The following BSX variants were observed in gnomAD, a reference collection of about 807,000 sequenced individuals.
The protein encoded by BSX is brain specific homeobox.
A neutral mutation model predicts 16.9 loss-of-function variants in BSX; 12 were observed. The observed-to-expected ratio is 0.71, with a 90% confidence interval of 0.46 to 1.15. BSX has a LOEUF of 1.15. BSX is among the 50% of genes most tolerant of loss of function. The pLI is 0.00. For synonymous variants in BSX, 160 were observed against 136.4 expected, an observed-to-expected ratio of 1.17 and a Z score of -1.20; for missense variants, 292 against 311.8, an observed-to-expected ratio of 0.94 and a Z score of 0.48.
rs1356101228 is a variant in BSX at position 122,981,636 on chromosome 11, C to A, written c.36G>T (p.Ala12=). 6.3e-7 allele frequency: 1 copy of A among 1,596,088 alleles called. No individual in the cohort carries two copies. The highest frequency in any genetic ancestry group is 1.7e-5 in the Admixed American group (1 of 57,198). The part of the protein sequence containing the change: ...NLNFTSPLHP[A]SSQRPTSFFI... ...AGAAGGATGTGGGCCTCTGAGAAGACGCCGGGTGTAGAGGAGAGGTGAAGT... is the reference window on the plus strand; with the variant it reads ...AGAAGGATGTGGGCCTCTGAGAAGAAGCCGGGTGTAGAGGAGAGGTGAAGT... The change falls in exon 1 of 3, where the codon GCG becomes GCT. Residue 12 remains alanine (A), a synonymous_variant. Transcript: ENST00000343035.
intron 2 of BSX, among the ~76,000 whole-genome samples, chr11:122,978,437 G>A (rs994973400): frequency 1.3e-5 from 2 of 152,162 alleles, no homozygotes; most frequent in African/African-American, 4.8e-5. Context: ...TCAGGACAGG[G>A]GAACAGGGAG....
At chr11:122,979,230 G>C (rs368177980) in intron 2 of BSX, 31 bp downstream of exon 2, 1 of 1,584,410 alleles carries the variant, frequency 6.3e-7, no homozygotes, top group African/African-American at 1.3e-5. Context: ...GAACGAAGCA[G>C]AGATCAGGGC....
chr11:122,979,127 C>T (rs1204908561), intron 2 of BSX, 134 bp downstream of exon 2: 9 of 918,718 alleles, frequency 9.8e-6, no homozygotes, highest in Non-Finnish European at 1.5e-5. Context: ...TTTACGAAAG[C>T]TCTTGGGAAA....
Position 122,977,705 on chromosome 11 carries a change from C to G in BSX, c.646G>C (p.Asp216His). 1 of 1,612,944 alleles carries G rather than the reference C, an allele frequency of 6.2e-7. No homozygotes were observed. Among genetic ancestry groups the G allele is most frequent in the East Asian group, 2.2e-5 (1 of 44,864 alleles). Residue 216 changes from aspartate to histidine, a missense_variant, in exon 3 of 3, where the codon GAC becomes CAC. Asp to His is a moderately conservative substitution (Grantham distance 81). Coordinates refer to ENST00000343035, the MANE Select transcript of BSX (RefSeq NM_001098169.2). The surrounding 1 kb of genome is among the most constrained non-coding windows in gnomAD (Gnocchi z 4.5). ...AGPFVLTEPE[D>H]EVDIGDEGEL... ...CCCTCGTCTCCAATGTCCACCTCGT[C>G]CTCTGGCTCGGTCAGCACGAAGGGA...
chr11:122,978,158 G>C (rs1257378216), intron 2 of BSX, among the ~76,000 whole-genome samples: 2 of 152,210 alleles, frequency 1.3e-5, no homozygotes, highest in Non-Finnish European at 1.5e-5. Flanking sequence ...AATAGTAGGT[G>C]CTGCGTGGGC....
In BSX at chr11:122,981,721, C is replaced by A. The variant is rs780458536; in HGVS notation, c.-50G>T. On this transcript the variant is annotated 5_prime_UTR_variant, in exon 1 of 3. Coordinates refer to ENST00000343035, the MANE Select transcript of BSX (RefSeq NM_001098169.2). ...ACAAGGGCCGGGACGAAGTGGAGGA[C>A]GCAGGCAGAGTCTCCAAGCCTGCTC... The A allele has an allele frequency of 1.9e-5, 29 of 1,521,440 alleles. 1 individual carries two copies. The South Asian group carries it at 3.6e-4, about 19-fold the overall frequency. 94.2% of individuals were successfully genotyped at this position (1,521,440 alleles called of 1,614,324 possible).
rs113538692 is a variant in BSX at position 122,978,805 on chromosome 11, T to C, written c.459+456A>G. Among the ~76,000 whole-genome samples, 148 of 77,716 alleles carry C rather than the reference T, an allele frequency of 1.9e-3. 1 individual carries two copies. The highest frequency in any genetic ancestry group is 7.1e-3 in the Middle Eastern group (1 of 140). 51.0% of individuals were successfully genotyped at this position (77,716 alleles called of 152,430 possible). The stretch of plus-strand genomic sequence containing the variant: ...TTTTCTTTTTCTTTTCTTTTTTTTT[T>C]TTTTTTTTTTTTTTTTTTGAGACGG... On this transcript the variant is annotated intron_variant, in intron 2 of 2. Coordinates refer to ENST00000343035, the MANE Select transcript of BSX (RefSeq NM_001098169.2).
rs1275457879 is a variant in BSX, at chr11:122,981,433, T to A, written c.239A>T (p.His80Leu). 6.4e-7 allele frequency: 1 copy of A among 1,550,764 alleles called. No individual in the cohort carries two copies. The highest frequency in any genetic ancestry group is 2.3e-5 in the East Asian group (1 of 42,822). ...ACCCGAGGTGGTGAGGAAATAAGGA[T>A]GATGGTGGTCTCCCTTATGCAGAGG... The part of the protein sequence containing the change: ...HHPLHKGDHH[H>L]PYFLTTSGMP... The change falls in exon 1 of 3, where the codon CAT (histidine) becomes CTT (leucine). Residue 80 changes from histidine to leucine, a missense_variant. Around this residue, in one of 3 missense-constraint regions of BSX, gnomAD observed 176 missense variants for 187.2 expected, o/e 0.94. Transcript: ENST00000343035.
chr11:122,978,948 G>A (rs1179839645), intron 2 of BSX, among the ~76,000 whole-genome samples: 2 of 151,732 alleles, frequency 1.3e-5, no homozygotes, highest in Admixed American at 6.6e-5. Context: ...TGGGATTACA[G>A]GCGCGCGCCA....
intron 2 of BSX, 115 bp downstream of exon 2, chr11:122,979,146 A>C: frequency 9.4e-7 from 1 of 1,059,946 alleles, no homozygotes. Context: ...AAGGCTTAGA[A>C]TAAGCGTCAG....
chr11:122,979,518 C>A, intron 1 of BSX, 61 bp from the exon 2 acceptor site: 1 of 1,459,320 alleles, frequency 6.9e-7, no homozygotes. Context: ...AATCTCCGCT[C>A]CGCTCCCCTC....
rs1291037958 is a variant in BSX at position 122,979,372 on chromosome 11, A to G, written c.348T>C (p.Val116=). The stretch of plus-strand genomic sequence containing the variant: ...AGCCCGAGAGCTGCGAGTCAGAGAA[A>G]ACCGTGCGGGCTTTGCGGCGGCGGC... ...KHCRRRKART[V]FSDSQLSGLE... is the part of the protein sequence containing the mutation. The change falls in exon 2 of 3, where the codon GTT becomes GTC. Residue 116 remains valine, a synonymous_variant. Coordinates refer to ENST00000343035, the MANE Select transcript of BSX (RefSeq NM_001098169.2). The G allele has an allele frequency of 6.2e-7, 1 of 1,614,102 alleles. No individual in the cohort carries two copies.
intron 1 of BSX, among the ~76,000 whole-genome samples, chr11:122,979,976 G>C (rs565782911): frequency 3.0e-4 from 46 of 152,004 alleles, no homozygotes; most frequent in Non-Finnish European, 5.7e-4. Context: ...ATACCTTTCT[G>C]TTTCCCAAGC....
In BSX at chr11:122,979,401, G is replaced by A. The variant is rs371977061; in HGVS notation, c.319C>T (p.His107Tyr). The change falls in exon 2 of 3, where the codon CAC becomes TAC. Residue 107 changes from histidine (H) to tyrosine (Y), a missense_variant. By Grantham distance (83) the His-to-Tyr change is moderately conservative (BLOSUM62 2). This residue lies in a region of BSX where 176 missense variants were observed against 187.2 expected (regional missense o/e 0.94). Coordinates refer to ENST00000343035, the MANE Select transcript of BSX (RefSeq NM_001098169.2). The part of the protein sequence containing the change: ...HPQHAELPGK[H>Y]CRRRKARTVF... Reference sequence around the variant, plus strand: ...GTGCGGGCTTTGCGGCGGCGGCAGTGCTTCCCCGGCAGCTCCGCGTGCTGC... The same window carrying A: ...GTGCGGGCTTTGCGGCGGCGGCAGTACTTCCCCGGCAGCTCCGCGTGCTGC... 2.5e-6 allele frequency: 4 copies of A among 1,613,904 alleles called. No homozygotes were observed. Among genetic ancestry groups the A allele is most frequent in the Non-Finnish European group, 2.5e-6 (3 of 1,179,974 alleles).
chr11:122,978,051 A>C (rs754442647), intron 2 of BSX, among the ~76,000 whole-genome samples, 160 bp from the exon 3 acceptor site: 28 of 152,228 alleles, frequency 1.8e-4, no homozygotes, highest in Admixed American at 1.3e-4. Context: ...TGAGAATCGA[A>C]CAGTCTGAGG....
intron 1 of BSX, among the ~76,000 whole-genome samples, 166 bp downstream of exon 1, chr11:122,981,244 T>A (rs1285041104): frequency 6.6e-6 from 1 of 152,204 alleles, no homozygotes; most frequent in African/African-American, 2.4e-5. Flanking sequence ...TAGGGAGCTC[T>A]GCATGGCCTC....
In BSX at chr11:122,977,714, C is replaced by A; in HGVS notation, c.637G>T (p.Glu213Ter). 1 of 1,613,110 alleles carries A rather than the reference C, an allele frequency of 6.2e-7. No individual in the cohort carries two copies. The highest frequency in any genetic ancestry group is 8.5e-7 in the Non-Finnish European group (1 of 1,179,818). ...CCAATGTCCACCTCGTCCTCTGGCT[C>A]GGTCAGCACGAAGGGACCGGCGGGC... Reference protein sequence around the residue: ...SLPAGPFVLTEPEDEVDIGDE... With the variant: ...SLPAGPFVLT Residue 213 changes from glutamate (E) to a stop codon, truncating the protein, a stop_gained, in exon 3 of 3, where the codon GAG (glutamate) becomes TAG (stop). Transcript: ENST00000343035. LOFTEE classifies it high-confidence loss of function. The surrounding 1 kb of genome is among the most constrained non-coding windows in gnomAD (Gnocchi z 4.5).
At position 122,979,427 on chromosome 11, in the gene BSX, G is replaced by C; in HGVS notation, c.293C>G (p.Pro98Arg). Reference sequence around the variant, plus strand: ...CTTCCCCGGCAGCTCCGCGTGCTGCGGGTGCGGGAACAGCGCTGGGACTGG... The same window carrying C: ...CTTCCCCGGCAGCTCCGCGTGCTGCCGGTGCGGGAACAGCGCTGGGACTGG... ...GMPVPALFPHPQHAELPGKHC... is the reference protein window; with the variant it reads ...GMPVPALFPHRQHAELPGKHC... Residue 98 changes from proline to arginine, a missense_variant, in exon 2 of 3, where the codon CCG becomes CGG. Around this residue, in one of 3 missense-constraint regions of BSX, gnomAD observed 176 missense variants for 187.2 expected, o/e 0.94. Coordinates refer to ENST00000343035, the MANE Select transcript of BSX (RefSeq NM_001098169.2). The C allele has an allele frequency of 6.2e-7, 1 of 1,613,284 alleles. No homozygotes were observed. Among genetic ancestry groups the C allele is most frequent in the Non-Finnish European group, 8.5e-7 (1 of 1,179,844 alleles).
At chr11:122,979,776 G>A (rs942417022) in intron 1 of BSX, among the ~76,000 whole-genome samples, 1 of 152,190 alleles carries the variant, frequency 6.6e-6, no homozygotes, top group Admixed American at 6.5e-5. Context: ...TTCTTGGAGA[G>A]ACTTCCGTAG....
Sources: gnomAD v4.1 joint callset for allele counts (sites outside exome capture counted in the v4.1 genomes callset) on GRCh38, gnomAD v4.1.1 for gene constraint, gnomAD v4.1.1 regional missense constraint, Gnocchi (gnomAD v3.1) non-coding constraint, MANE v1.5 for transcripts, NCBI Gene and HGNC (gene_info 2026-07-23, HGNC 2026-07-21) for gene names.